The following TSPAN18 variants were observed in gnomAD, a reference collection of about 807,000 sequenced individuals.
TSPAN18 encodes the protein tetraspanin 18.
Under a neutral mutation model 27.3 loss-of-function variants are expected in TSPAN18, and 14 were observed. The observed-to-expected ratio is 0.51, with a 90% confidence interval of 0.34 to 0.80. The LOEUF is 0.80. Ranked by LOEUF, TSPAN18 falls within the 30% of genes least tolerant of loss-of-function variation. The probability of loss-of-function intolerance (pLI) is 0.01; values close to 1 mark genes in which losing one functional copy is unlikely to be tolerated. For missense variants in TSPAN18, 268 were observed against 323.9 expected, an observed-to-expected ratio of 0.83 and a Z score of 1.32; for synonymous variants, 143 against 136.5, an observed-to-expected ratio of 1.05 and a Z score of -0.33.
intron 2 of TSPAN18, among the ~76,000 whole-genome samples, chr11:44,778,643 C>T (rs1855868536): frequency 6.6e-6 from 1 of 152,196 alleles, no homozygotes; most frequent in Non-Finnish European, 1.5e-5. Flanking sequence ...CCAGTGCTAG[C>T]CAGCCAGCAT....
At chr11:44,794,491 A>G (rs1266254030) in intron 2 of TSPAN18, among the ~76,000 whole-genome samples, 7 of 152,020 alleles carry the variant, frequency 4.6e-5, no homozygotes, top group African/African-American at 1.7e-4. Context: ...AACATGGAGA[A>G]ATCTCGTCTC....
chr11:44,759,341 G>T (rs1248082340), intron 1 of TSPAN18, among the ~76,000 whole-genome samples: 3 of 152,148 alleles, frequency 2.0e-5, no homozygotes, highest in Admixed American at 2.0e-4. Context: ...GGTGAGCTAG[G>T]GGGTGATGGT....
chr11:44,796,819 C>T (rs955570002), intron 2 of TSPAN18, among the ~76,000 whole-genome samples: 1 of 152,078 alleles, frequency 6.6e-6, no homozygotes, highest in African/African-American at 2.4e-5. Flanking sequence ...CATGCATATT[C>T]CCAGCCCCCA....
intron 2 of TSPAN18, among the ~76,000 whole-genome samples, chr11:44,839,326 T>C (rs181568311): frequency 8.5e-5 from 13 of 152,302 alleles, no homozygotes; most frequent in Admixed American, 3.3e-4. Flanking sequence ...CCTTGCCTCC[T>C]GCAAAAAGAG....
Position 44,727,680 on chromosome 11 carries a change from C to G in TSPAN18, c.-240+393C>G, listed in dbSNP as rs538241399. 1.9e-4 allele frequency among the ~76,000 whole-genome samples: 29 copies of G among 152,246 alleles called. No individual in the cohort carries two copies. In the South Asian group the frequency reaches 6.0e-3, roughly 32 times the overall value. On this transcript the variant is annotated intron_variant, in intron 1 of 9. Coordinates refer to ENST00000520358, the MANE Select transcript of TSPAN18 (RefSeq NM_130783.5). ...GGAAAGGGGCTGCTCGCCACGCCAC[C>G]CGGTAAGACAGTGAGGGACCAGGGA...
intron 8 of TSPAN18, among the ~76,000 whole-genome samples, chr11:44,920,368 A>G (rs1860082865): frequency 6.6e-6 from 1 of 152,140 alleles, no homozygotes; most frequent in Non-Finnish European, 1.5e-5. Context: ...CTTCTTAGCC[A>G]TGCACTGTAT....
chr11:44,877,022 G>A (rs997916404), intron 3 of TSPAN18, among the ~76,000 whole-genome samples: 2 of 152,236 alleles, frequency 1.3e-5, no homozygotes, highest in African/African-American at 4.8e-5. Context: ...AGGATGGAGG[G>A]ACTTCTCCGC....
At chr11:44,739,112 G>C (rs147882113) in intron 1 of TSPAN18, among the ~76,000 whole-genome samples, 1 of 152,112 alleles carries the variant, frequency 6.6e-6, no homozygotes, top group African/African-American at 2.4e-5. Flanking sequence ...CTTTGCTCCC[G>C]TCCAGCCTTG....
intron 2 of TSPAN18, among the ~76,000 whole-genome samples, chr11:44,787,917 G>T (rs767011742): frequency 8.5e-6 from 1 of 117,224 alleles, no homozygotes; most frequent in South Asian, 2.5e-4. Flanking sequence ...TTACAACACA[G>T]GCAGACAGTC....
At chr11:44,868,589 G>A (rs747194052) in intron 3 of TSPAN18, among the ~76,000 whole-genome samples, 14 of 152,184 alleles carry the variant, frequency 9.2e-5, no homozygotes, top group Middle Eastern at 3.2e-3. Flanking sequence ...AGGGCCAGGC[G>A]GGCACAGCTT....
At chr11:44,747,724 TCACTCCTG>T (rs1455162471) in intron 1 of TSPAN18, among the ~76,000 whole-genome samples, 1 of 152,128 alleles carries the variant, frequency 6.6e-6, no homozygotes, top group Non-Finnish European at 1.5e-5. Context: ...TCAGATTTCC[TCACTCCTG>T]CACTCATCTC....
chr11:44,793,702 C>A (rs1002027345), intron 2 of TSPAN18, among the ~76,000 whole-genome samples: 11 of 152,200 alleles, frequency 7.2e-5, no homozygotes, highest in African/African-American at 2.7e-4. Flanking sequence ...CACTGGGCGA[C>A]CCCAAGGCCT....
chr11:44,793,507 C>T (rs1009252809), intron 2 of TSPAN18, among the ~76,000 whole-genome samples: 2 of 152,144 alleles, frequency 1.3e-5, no homozygotes, highest in African/African-American at 2.4e-5. Flanking sequence ...TCAGGATGGT[C>T]GGTCATCCAG....
chr11:44,792,915 C>A (rs951764525), intron 2 of TSPAN18, among the ~76,000 whole-genome samples: 1 of 152,090 alleles, frequency 6.6e-6, no homozygotes, highest in African/African-American at 2.4e-5. Context: ...GGAGCTGAGG[C>A]TGGGGAGTGG....
chr11:44,906,604 C>T lies in TSPAN18; in HGVS notation c.63+125C>T, dbSNP rs1859462162. On this transcript the variant is annotated intron_variant, in intron 4 of 9. Transcript: ENST00000520358. ...GGGCCGGCGCTAGAGGCAGGGGTAC[C>T]TGCCAGCCAGGCTTTCATGGAAGGG... The T allele has an allele frequency of 1.0e-5, 9 of 903,434 alleles. No individual in the cohort carries two copies. In the East Asian group the frequency reaches 2.3e-4, roughly 23 times the overall value. The allele number at this position is 903,434 out of a possible 1,614,324, so 56.0% of individuals were successfully genotyped here.
intron 1 of TSPAN18, among the ~76,000 whole-genome samples, chr11:44,753,125 G>T (rs973237094): frequency 1.3e-5 from 2 of 151,828 alleles, no homozygotes; most frequent in Non-Finnish European, 2.9e-5. Context: ...ATATTATAGC[G>T]CATCCATTTT....
chr11:44,931,195 T>C lies in TSPAN18; in HGVS notation c.*2017T>C, dbSNP rs529797493. ...CTGAGGTCCGTAGAAGCTAAGCTCC[T>C]GAGACCCAGGGGGACCTGCCACTGG... On this transcript the variant is annotated 3_prime_UTR_variant, in exon 10 of 10. Coordinates refer to ENST00000520358, the MANE Select transcript of TSPAN18 (RefSeq NM_130783.5). 5.6e-5 allele frequency: 18 copies of C among 323,450 alleles called. No individual in the cohort carries two copies. Among genetic ancestry groups the C allele is most frequent in the South Asian group, 4.4e-4 (18 of 41,254 alleles). 20.0% of individuals were successfully genotyped at this position (323,450 alleles called of 1,614,324 possible).
intron 3 of TSPAN18, among the ~76,000 whole-genome samples, chr11:44,875,196 C>T (rs987964127): frequency 6.6e-6 from 1 of 152,210 alleles, no homozygotes; most frequent in Non-Finnish European, 1.5e-5. Context: ...GATGCCACTG[C>T]CAAATACCAG....
At chr11:44,889,879 G>A (rs973709446) in intron 3 of TSPAN18, among the ~76,000 whole-genome samples, 26 of 152,200 alleles carry the variant, frequency 1.7e-4, no homozygotes, top group Non-Finnish European at 2.8e-4. Flanking sequence ...CAAATCTTAG[G>A]GCTAGGTCCC....
Sources: gnomAD v4.1 joint callset for allele counts (sites outside exome capture counted in the v4.1 genomes callset) on GRCh38, gnomAD v4.1.1 for gene constraint, MANE v1.5 for transcripts, NCBI Gene and HGNC (gene_info 2026-07-23, HGNC 2026-07-21) for gene names.